MYH10: variants seen among roughly 807,000 people sequenced by gnomAD.
MYH10 encodes the protein myosin heavy chain 10, also known as myosin-10.
In MYH10, 55 loss-of-function variants were observed where a neutral mutation model predicts 257.8. The observed-to-expected ratio is 0.21, with a 90% CI of 0.17 to 0.27. The LOEUF is 0.27. Ranked by LOEUF, MYH10 falls within the 10% of genes least tolerant of loss-of-function variation. The probability of loss-of-function intolerance (pLI) is 1.00; values close to 1 mark genes in which losing one functional copy is unlikely to be tolerated. For missense variants in MYH10, 1,631 were observed against 2,500.6 expected (o/e 0.65, Z 7.42); for synonymous variants, 854 against 921.7 (o/e 0.93, Z 1.33).
intron 2 of MYH10, among the ~76,000 whole-genome samples, chr17:8,617,204 G>C (rs1053209762): frequency 7.2e-5 from 11 of 152,130 alleles, no homozygotes; most frequent in African/African-American, 2.2e-4. Flanking sequence ...GGAGACATCA[G>C]CAGGAGACTA....
chr17:8,595,593 C>A (rs965143720), intron 3 of MYH10, among the ~76,000 whole-genome samples: 3 of 151,958 alleles, frequency 2.0e-5, no homozygotes, highest in African/African-American at 4.8e-5. Context: ...CCACCACACC[C>A]GGCTAATTTT....
intron 1 of MYH10, among the ~76,000 whole-genome samples, chr17:8,624,815 G>A (rs886993708): frequency 6.6e-6 from 1 of 152,160 alleles, no homozygotes; most frequent in Non-Finnish European, 1.5e-5. Flanking sequence ...GCAACTTGAG[G>A]GGCTAAGGTG....
chr17:8,619,250 C>A (rs188540426), intron 2 of MYH10, among the ~76,000 whole-genome samples: 292 of 152,226 alleles, frequency 1.9e-3, no homozygotes, highest in Non-Finnish European at 2.9e-3. Flanking sequence ...AGTGAAACTG[C>A]ATTTTTTTTA....
At chr17:8,563,836 T>G (rs141884810) in intron 7 of MYH10, among the ~76,000 whole-genome samples, 120 of 150,044 alleles carry the variant, frequency 8.0e-4, no homozygotes, top group African/African-American at 2.8e-3. Context: ...AGGATACTTA[T>G]CTACCAAGAG....
At chr17:8,580,663 C>T (rs1320720544) in intron 4 of MYH10, among the ~76,000 whole-genome samples, 2 of 152,114 alleles carry the variant, frequency 1.3e-5, no homozygotes, top group Admixed American at 1.3e-4. Flanking sequence ...ATTACATTTT[C>T]TACCTGGCTA....
In MYH10 at chr17:8,535,813, T is replaced by G; in HGVS notation, c.1724A>C (p.Lys575Thr). 6.2e-7 allele frequency: 1 copy of G among 1,614,220 alleles called. No individual in the cohort carries two copies. Among genetic ancestry groups the G allele is most frequent in the Non-Finnish European group, 8.5e-7 (1 of 1,180,028 alleles). ...AGCTTTGTCTTTTAATTGTCGAGGT[T>G]TCTGAAACTTGGAGTGGGAACCTTG... Reference protein sequence around the residue: ...QEQGSHSKFQKPRQLKDKADF... With the variant: ...QEQGSHSKFQTPRQLKDKADF... Residue 575 changes from lysine (K) to threonine (T), a missense_variant, in exon 15 of 43, where the codon AAA (lysine) becomes ACA (threonine). Lys to Thr is a moderately conservative substitution (Grantham distance 78, BLOSUM62 -1). This residue lies in a region of MYH10 where 63 missense variants were observed against 167.9 expected (regional missense o/e 0.38). Coordinates refer to ENST00000360416, the MANE Select transcript of MYH10 (RefSeq NM_001256012.3). The surrounding 1 kb of genome is among the most constrained non-coding windows in gnomAD (Gnocchi z 4.3).
At chr17:8,573,966 G>T in intron 6 of MYH10, 2 of 240,684 alleles carry the variant, frequency 8.3e-6, no homozygotes, top group Non-Finnish European at 1.3e-5. Flanking sequence ...AATGTCAAAT[G>T]GTGCAGTCTC....
At chr17:8,489,747 C>CACACACACACACACACACACACA (rs1567784631) in intron 35 of MYH10, among the ~76,000 whole-genome samples, 2 of 79,694 alleles carry the variant, frequency 2.5e-5, no homozygotes, top group African/African-American at 1.2e-4. Flanking sequence ...ACACACACAC[C>CACACACACACACACACACACACA]CCAAATCCAA....
At position 8,518,727 on chromosome 17, in the gene MYH10, G is replaced by A. The variant is rs2081556172; in HGVS notation, c.2408C>T (p.Ala803Val). 1.2e-6 allele frequency: 2 copies of A among 1,613,936 alleles called. No homozygotes were observed. The highest frequency in any genetic ancestry group is 1.3e-5 in the African/African-American group (1 of 74,888). Residue 803 changes from alanine (A) to valine (V), a missense_variant, in exon 21 of 43, where the codon GCT becomes GTT. Physicochemically the swap from Ala to Val is moderately conservative, Grantham distance 64. Around this residue, in one of 11 missense-constraint regions of MYH10, gnomAD observed 116 missense variants for 221.6 expected, o/e 0.52. Transcript: ENST00000360416. ...RIGQSKIFFR[A>V]GVLAHLEEER... The stretch of plus-strand genomic sequence containing the variant: ...TTCCTCTAAGTGTGCCAGAACTCCA[G>A]CTCTGAAAAATATCTTGCTCTGTCC...
At chr17:8,492,139 G>A (rs1444456435) in intron 34 of MYH10, among the ~76,000 whole-genome samples, 158 bp downstream of exon 34, 3 of 152,326 alleles carry the variant, frequency 2.0e-5, no homozygotes, top group Admixed American at 1.3e-4. Flanking sequence ...AACCCCGTAC[G>A]CATGCACAGG....
intron 4 of MYH10, among the ~76,000 whole-genome samples, chr17:8,583,748 AATG>A (rs2083795558): frequency 6.6e-6 from 1 of 152,232 alleles, no homozygotes; most frequent in East Asian, 1.9e-4. Context: ...ATCATTACTT[AATG>A]TAATATTTGT....
At chr17:8,486,283 T>TA (rs374833591) in intron 36 of MYH10, among the ~76,000 whole-genome samples, 1 of 152,106 alleles carries the variant, frequency 6.6e-6, no homozygotes, top group Non-Finnish European at 1.5e-5. Flanking sequence ...TATGAATAAC[T>TA]AAAAAACACT....
intron 7 of MYH10, chr17:8,560,383 C>A: frequency 3.5e-6 from 1 of 289,160 alleles, no homozygotes; most frequent in Non-Finnish European, 6.8e-6. Flanking sequence ...CTTCACGGGA[C>A]ATTAAAATAG....
intron 2 of MYH10, among the ~76,000 whole-genome samples, chr17:8,608,041 C>A (rs17808354): frequency 0.26 from 39,301 of 151,966 alleles, 5,661 homozygotes; most frequent in Admixed American, 0.36. Flanking sequence ...AAAACTCTTA[C>A]AGTGGCAGGA....
At chr17:8,600,156 G>A (rs1222145833) in intron 3 of MYH10, among the ~76,000 whole-genome samples, 3 of 152,166 alleles carry the variant, frequency 2.0e-5, no homozygotes, top group Non-Finnish European at 4.4e-5. Context: ...CCAAGTAACA[G>A]CATTAAAAGA....
At chr17:8,574,184 G>A (rs2083431703) in intron 6 of MYH10, among the ~76,000 whole-genome samples, 1 of 152,086 alleles carries the variant, frequency 6.6e-6, no homozygotes, top group Admixed American at 6.5e-5. Flanking sequence ...TTAATATTAT[G>A]GAATATTATT....
In MYH10 at chr17:8,588,939, A is replaced by T. The variant is rs866702913; in HGVS notation, c.530+142T>A. 35 of 786,454 alleles carry T rather than the reference A, an allele frequency of 4.5e-5. No homozygotes were observed. The Middle Eastern group carries it at 4.0e-3, about 90-fold the overall frequency. 48.7% of individuals were successfully genotyped at this position (786,454 alleles called of 1,614,324 possible). Reference sequence around the variant, plus strand: ...ACACCAAATTTAAGCAACTTACATAATCTTAGTCTTAAAATAACTGCGAGG... The same window carrying T: ...ACACCAAATTTAAGCAACTTACATATTCTTAGTCTTAAAATAACTGCGAGG... On this transcript the variant is annotated intron_variant, in intron 4 of 42. Transcript: ENST00000360416.
chr17:8,478,393 TC>T lies in MYH10; in HGVS notation c.5650del (p.Glu1884LysfsTer27). On this transcript the variant is annotated frameshift_variant, in exon 41 of 43. Coordinates refer to ENST00000360416, the MANE Select transcript of MYH10 (RefSeq NM_001256012.3). LOFTEE classifies it high-confidence loss of function. ...CTCATCCTCAACCTGCATGAAGATT[TC>T]TTTCAGCTTCTTCTCAGTGCGACGG... ...LVRRTEKKLK[E>X]IFMQVEDERR... 6.2e-7 allele frequency: 1 copy of T among 1,614,240 alleles called. No individual in the cohort carries two copies. The highest frequency in any genetic ancestry group is 8.5e-7 in the Non-Finnish European group (1 of 1,180,034).
rs114842401 is a variant in MYH10 at position 8,611,412 on chromosome 17, G to A, written c.346-6430C>T. The stretch of plus-strand genomic sequence containing the variant: ...GCAACAAGTTGTGGCTGAAATCCAA[G>A]ATAATATCTGGAACCTCTGTGTGTC... On this transcript the variant is annotated intron_variant, in intron 2 of 42. Transcript: ENST00000360416. 6.2e-3 allele frequency among the ~76,000 whole-genome samples: 937 copies of A among 152,314 alleles called. 7 individuals are homozygous for A. The highest frequency in any genetic ancestry group is 0.021 in the African/African-American group (886 of 41,558).
Sources: allele counts gnomAD v4.1 joint callset (sites outside exome capture counted in the v4.1 genomes callset), GRCh38; gene constraint gnomAD v4.1.1; regional missense constraint gnomAD v4.1.1; non-coding constraint Gnocchi (gnomAD v3.1); transcripts MANE v1.5; gene names NCBI Gene and HGNC (gene_info 2026-07-23, HGNC 2026-07-21).